Variants in ADCY5 observed in about 807,000 individuals in gnomAD.
The protein encoded by ADCY5 is adenylate cyclase type 5.
In ADCY5, 30 loss-of-function variants were observed where a neutral mutation model predicts 119.7. The ratio of observed to expected loss-of-function variants is 0.25; its 90% CI spans 0.19 to 0.34. ADCY5 has a LOEUF of 0.34. ADCY5 is among the 10% of genes least tolerant of loss of function. The probability of loss-of-function intolerance (pLI) is 1.00; values close to 1 mark genes in which losing one functional copy is unlikely to be tolerated. For missense variants in ADCY5, 1,324 were observed against 1,775.2 expected, an observed-to-expected ratio of 0.75 and a Z score of 4.57; for synonymous variants, 753 against 762.2, an observed-to-expected ratio of 0.99 and a Z score of 0.20.
chr3:123,361,284 CA>C (rs1198787405), intron 1 of ADCY5, among the ~76,000 whole-genome samples: 1 of 152,122 alleles, frequency 6.6e-6, no homozygotes, highest in Admixed American at 6.5e-5. Flanking sequence ...CTCACAAAGC[CA>C]AGTCTTACTC....
intron 3 of ADCY5, among the ~76,000 whole-genome samples, chr3:123,344,022 T>G (rs1942404426): frequency 1.3e-5 from 2 of 152,188 alleles, no homozygotes; most frequent in African/African-American, 4.8e-5. Flanking sequence ...AGTCCCTGGC[T>G]GCGCCCCGGG....
At chr3:123,313,439 G>A (rs1005917552) in intron 12 of ADCY5, among the ~76,000 whole-genome samples, 9 of 152,148 alleles carry the variant, frequency 5.9e-5, no homozygotes, top group South Asian at 2.1e-4. Context: ...GGGAGGAGTC[G>A]GAGAGGCTCA....
chr3:123,341,605 T>C (rs1032828790), intron 3 of ADCY5, among the ~76,000 whole-genome samples: 2 of 152,118 alleles, frequency 1.3e-5, no homozygotes, highest in East Asian at 3.9e-4. Context: ...GCCACTGAAC[T>C]GTACATTTAA....
intron 3 of ADCY5, among the ~76,000 whole-genome samples, chr3:123,345,829 A>T (rs1489385630): frequency 6.8e-6 from 1 of 146,544 alleles, no homozygotes; most frequent in Non-Finnish European, 1.5e-5. Context: ...CTCTCCTCTG[A>T]GTCTCCTGTT....
chr3:123,297,169 C>T, intron 16 of ADCY5, 184 bp downstream of exon 16: 1 of 1,358,062 alleles, frequency 7.4e-7, no homozygotes, highest in Non-Finnish European at 1.0e-6. Flanking sequence ...TGAAAGTGAC[C>T]AGGGCCTCTG....
In ADCY5 at chr3:123,359,041, C is replaced by A. The variant is rs74791796; in HGVS notation, c.1135-6460G>T. ...GCAAGGCAAAGGGGAATGAGAAATG[C>A]ATGGTTTTGGAGTAGAAGGAAATGA... On this transcript the variant is annotated intron_variant, in intron 1 of 20. Coordinates refer to ENST00000462833, the MANE Select transcript of ADCY5 (RefSeq NM_183357.3). 6.8e-3 allele frequency among the ~76,000 whole-genome samples: 1,041 copies of A among 152,172 alleles called. 7 individuals carry two copies. The highest frequency in any genetic ancestry group is 0.014 in the Middle Eastern group (4 of 294).
At chr3:123,355,142 G>T (rs973108660) in intron 1 of ADCY5, among the ~76,000 whole-genome samples, 14 of 152,288 alleles carry the variant, frequency 9.2e-5, no homozygotes, top group Admixed American at 2.0e-4. Context: ...AAGACACACA[G>T]ATTAGAAAGG....
intron 1 of ADCY5, among the ~76,000 whole-genome samples, chr3:123,401,276 G>A (rs944045574): frequency 3.3e-5 from 5 of 152,202 alleles, no homozygotes; most frequent in Admixed American, 2.0e-4. Flanking sequence ...GGTGGTAAAT[G>A]AGGTTGCACA....
In ADCY5 at chr3:123,385,656, G is replaced by A. The variant is rs60673933; in HGVS notation, c.1135-33075C>T. Among the ~76,000 whole-genome samples the A allele has an allele frequency of 0.013, 1,915 of 152,226 alleles. 81 individuals are homozygous for A. The East Asian group carries it at 0.13, about 10-fold the overall frequency. On this transcript the variant is annotated intron_variant, in intron 1 of 20. Coordinates refer to ENST00000462833, the MANE Select transcript of ADCY5 (RefSeq NM_183357.3). ...CCGCAAGTTAGCTAGAAAAGCTGGA[G>A]TCCAAATGCCACTATAACACTTACT... is the stretch of plus-strand genomic sequence containing the variant.
intron 3 of ADCY5, among the ~76,000 whole-genome samples, chr3:123,340,204 T>G (rs892107659): frequency 3.9e-5 from 6 of 151,944 alleles, no homozygotes; most frequent in African/African-American, 1.5e-4. Flanking sequence ...GTGGGAGAAC[T>G]GTTTGAGCCC....
intron 8 of ADCY5, among the ~76,000 whole-genome samples, chr3:123,323,549 C>T (rs1233118970): frequency 6.6e-6 from 1 of 152,142 alleles, no homozygotes; most frequent in Non-Finnish European, 1.5e-5. Context: ...TCTCCCTGCC[C>T]TACTCCCCAG....
At chr3:123,416,336 ATTTATAGCCAGAACAT>A in intron 1 of ADCY5, 1 of 1,531,020 alleles carries the variant, frequency 6.5e-7, no homozygotes, top group Non-Finnish European at 8.7e-7. Context: ...TCCCTAGGAC[ATTTATAGCCAGAACAT>A]TTTGTCCCCT....
At chr3:123,297,706 G>A (rs909855421) in intron 15 of ADCY5, among the ~76,000 whole-genome samples, 13 of 152,248 alleles carry the variant, frequency 8.5e-5, no homozygotes, top group Admixed American at 3.9e-4. Flanking sequence ...TCCAGAGGGC[G>A]TGGAGGAGAG....
intron 1 of ADCY5, among the ~76,000 whole-genome samples, chr3:123,400,564 C>A (rs1944722323): frequency 6.6e-6 from 1 of 152,082 alleles, no homozygotes; most frequent in Non-Finnish European, 1.5e-5. Flanking sequence ...ATGGTAAATC[C>A]CTTTAATGAA....
At chr3:123,399,268 G>A (rs969412019) in intron 1 of ADCY5, among the ~76,000 whole-genome samples, 1 of 152,158 alleles carries the variant, frequency 6.6e-6, no homozygotes, top group Non-Finnish European at 1.5e-5. Context: ...TGGATATGCT[G>A]GGTTAAATAA....
At chr3:123,284,934 C>T (rs1448159142) in intron 20 of ADCY5, among the ~76,000 whole-genome samples, 198 bp from the exon 21 acceptor site, 1 of 152,242 alleles carries the variant, frequency 6.6e-6, no homozygotes, top group African/African-American at 2.4e-5. Flanking sequence ...AAAAGAGCAA[C>T]GCCAGCTCTC....
At chr3:123,424,090 G>A (rs1945353757) in intron 1 of ADCY5, among the ~76,000 whole-genome samples, 1 of 152,268 alleles carries the variant, frequency 6.6e-6, no homozygotes, top group South Asian at 2.1e-4. Context: ...CCTGAGACAA[G>A]GAGACTGGAA....
At position 123,289,939 on chromosome 3, in the gene ADCY5, G is replaced by T; in HGVS notation, c.3343C>A (p.Arg1115=). ...TTGATCTTCTCCAGCTGCCGGAACC[G>T]ATCCTCGCTGATGATCTGGATGAAG... is the stretch of plus-strand genomic sequence containing the variant. ...ADFDEIISED[R]FRQLEKIKTI... Residue 1115 remains arginine, a synonymous_variant, in exon 19 of 21, where the codon CGG becomes AGG. Transcript: ENST00000462833. 6.2e-7 allele frequency: 1 copy of T among 1,614,118 alleles called. No individual in the cohort carries two copies. The highest frequency in any genetic ancestry group is 1.6e-4 in the Middle Eastern group (1 of 6,062).
rs3935566 is a variant in ADCY5 at position 123,320,649 on chromosome 3, A to G, written c.2111+100T>C. ...CACTCTCAGCTAAGACTGCAAGAGG[A>G]GTCATTTTCCATGGAGTGTGGAGAA... On this transcript the variant is annotated intron_variant, in intron 9 of 20. Coordinates refer to ENST00000462833, the MANE Select transcript of ADCY5 (RefSeq NM_183357.3). The G allele has an allele frequency of 0.042, 61,961 of 1,470,376 alleles. 8,609 individuals are homozygous for G. The African/African-American group carries it at 0.43, about 10-fold the overall frequency. 91.1% of individuals were successfully genotyped at this position (1,470,376 alleles called of 1,614,324 possible). A position where few individuals can be genotyped will look rare whatever the true frequency, so the allele number is the denominator to read the frequency against.
Sources: allele counts gnomAD v4.1 joint callset (sites outside exome capture counted in the v4.1 genomes callset), GRCh38; gene constraint gnomAD v4.1.1; transcripts MANE v1.5; gene names NCBI Gene and HGNC (gene_info 2026-07-23, HGNC 2026-07-21).